DHX34: variants seen among roughly 807,000 people sequenced by gnomAD.
The protein encoded by DHX34 is DExH-box helicase 34.
Under a neutral mutation model 111.1 loss-of-function variants are expected in DHX34, and 96 were observed. The observed-to-expected ratio is 0.86, with a 90% confidence interval of 0.73 to 1.02. The LOEUF (loss-of-function observed/expected upper bound fraction) is 1.02, where lower values mean the gene tolerates loss of function less well. DHX34 is among the 50% of genes least tolerant of loss of function. The pLI, the probability that DHX34 is intolerant of heterozygous loss-of-function variation, is 0.00. For synonymous variants in DHX34, 688 were observed against 670.4 expected, an observed-to-expected ratio of 1.03 and a Z score of -0.41; for missense variants, 1,560 against 1,579.9, an observed-to-expected ratio of 0.99 and a Z score of 0.21.
chr19:47,370,387 G>A lies in DHX34; in HGVS notation c.1769-2343G>A, dbSNP rs546485193. The stretch of plus-strand genomic sequence containing the variant: ...GCTCTGCCCCGCACCCCTCTCTTGC[G>A]GGCTCAAGGATGTCAAAACTCTTCC... On this transcript the variant is annotated intron_variant, in intron 7 of 16. Coordinates refer to ENST00000328771, the MANE Select transcript of DHX34 (RefSeq NM_014681.6). Among the ~76,000 whole-genome samples, 21 of 152,248 alleles carry A rather than the reference G, an allele frequency of 1.4e-4. 1 individual carries two copies. The South Asian group carries it at 2.3e-3, about 17-fold the overall frequency.
At chr19:47,380,006 C>T (rs752719238) in intron 14 of DHX34, 21 bp downstream of exon 14, 22 of 1,558,442 alleles carry the variant, frequency 1.4e-5, no homozygotes, top group Admixed American at 3.5e-5. Context: ...CCAGGGTGCC[C>T]GTGCCTCCCT....
chr19:47,368,247 G>A (rs1295619185), intron 7 of DHX34, among the ~76,000 whole-genome samples: 3 of 132,338 alleles, frequency 2.3e-5, no homozygotes, highest in Non-Finnish European at 4.5e-5. Flanking sequence ...TGGAGTGAGA[G>A]GGAGAAGGTG....
intron 1 of DHX34, among the ~76,000 whole-genome samples, chr19:47,351,660 A>G (rs1969291011): frequency 6.6e-6 from 1 of 152,182 alleles, no homozygotes; most frequent in Admixed American, 6.5e-5. Flanking sequence ...TTGCCTGATT[A>G]TGATGGATAA....
intron 9 of DHX34, among the ~76,000 whole-genome samples, chr19:47,374,594 C>G (rs759768106): frequency 6.6e-6 from 1 of 152,236 alleles, no homozygotes; most frequent in South Asian, 2.1e-4. Flanking sequence ...AAAAGGGTTC[C>G]TGGTGTAATC....
rs1969369221 is a variant in DHX34, at chr19:47,353,808, A to G, written c.705+73A>G. ...GGAATAGGTTGCTTGTCCATATGGC[A>G]GTATCAATAAAAATGAAGCACTTAC... On this transcript the variant is annotated intron_variant, in intron 2 of 16. Transcript: ENST00000328771. The surrounding 1 kb of genome is among the most constrained non-coding windows in gnomAD (Gnocchi z 4.6). 2.2e-6 allele frequency: 3 copies of G among 1,348,146 alleles called. No homozygotes were observed. Among genetic ancestry groups the G allele is most frequent in the East Asian group, 2.5e-5 (1 of 39,670 alleles). The allele number at this position is 1,348,146 out of a possible 1,614,324, so 83.5% of individuals were successfully genotyped here. A position where few individuals can be genotyped will look rare whatever the true frequency, so the allele number is the denominator to read the frequency against.
chr19:47,379,783 A>G lies in DHX34; in HGVS notation c.2780A>G (p.Glu927Gly), dbSNP rs766829579. Residue 927 changes from glutamate to glycine, a missense_variant, in exon 14 of 17, where the codon GAG becomes GGG. Coordinates refer to ENST00000328771, the MANE Select transcript of DHX34 (RefSeq NM_014681.6). The stretch of plus-strand genomic sequence containing the variant: ...CGCCTGGTGGCCGATGGCTGGCTGG[A>G]GCTGCAGCTAGCAGACAGTGAAAGT... ...CSRLVADGWL[E>G]LQLADSESAI... 3.7e-6 allele frequency: 6 copies of G among 1,613,282 alleles called. No homozygotes were observed. In the South Asian group the frequency reaches 5.5e-5, roughly 15 times the overall value.
chr19:47,381,910 G>A, intron 16 of DHX34, 70 bp from the exon 17 acceptor site: 1 of 1,602,244 alleles, frequency 6.2e-7, no homozygotes, highest in Non-Finnish European at 8.5e-7. Flanking sequence ...ACAGGTGCCT[G>A]GCATTTGGGT....
At chr19:47,368,150 C>T (rs1471943325) in intron 7 of DHX34, among the ~76,000 whole-genome samples, 1 of 150,106 alleles carries the variant, frequency 6.7e-6, no homozygotes, top group Admixed American at 6.7e-5. Flanking sequence ...TGAGGGTGTT[C>T]GGGCAGTGGG....
intron 13 of DHX34, among the ~76,000 whole-genome samples, chr19:47,377,766 C>T (rs1970216770): frequency 6.9e-6 from 1 of 144,432 alleles, no homozygotes; most frequent in East Asian, 2.1e-4. Context: ...CTTCTCAGAG[C>T]TGGGACAGGG....
At chr19:47,372,614 A>C (rs1286707714) in intron 7 of DHX34, 116 bp from the exon 8 acceptor site, 1 of 1,437,058 alleles carries the variant, frequency 7.0e-7, no homozygotes, top group Non-Finnish European at 9.1e-7. Flanking sequence ...CTTAGTGGGC[A>C]AGATGGAGGG....
At chr19:47,381,622 A>C (rs1970361781) in intron 16 of DHX34, 2 of 584,904 alleles carry the variant, frequency 3.4e-6, no homozygotes, top group African/African-American at 3.7e-5. Flanking sequence ...TCTGTCCTGC[A>C]GCTATCTCTG....
rs537169867 is a variant in DHX34 at position 47,369,968 on chromosome 19, C to T, written c.1769-2762C>T. 4.6e-5 allele frequency among the ~76,000 whole-genome samples: 7 copies of T among 152,172 alleles called. No homozygotes were observed. In the East Asian group the frequency reaches 7.7e-4, roughly 17 times the overall value. ...AGTCACAAGCAGATGTGGTGCTCCT[C>T]GTCCCCACGCTGTGTCATCAGGAAT... On this transcript the variant is annotated intron_variant, in intron 7 of 16. Transcript: ENST00000328771.
At chr19:47,365,080 T>C (rs568977204) in intron 6 of DHX34, among the ~76,000 whole-genome samples, 1 of 152,212 alleles carries the variant, frequency 6.6e-6, no homozygotes, top group African/African-American at 2.4e-5. Context: ...GTGTTCACCC[T>C]ATGCCCCGCA....
intron 6 of DHX34, 108 bp from the exon 7 acceptor site, chr19:47,366,873 C>A (rs1435191362): frequency 2.1e-6 from 3 of 1,396,394 alleles, no homozygotes; most frequent in Admixed American, 6.4e-5. Flanking sequence ...AACGCCCGGC[C>A]AACACTAGGA....
rs914461597 is a variant in DHX34, at chr19:47,352,925, G to T, written c.-106G>T. ...AAATTAGCTCTTTGAAGAGAAAGTAGTTCTCTATTGCAGGCACTGGCCTCT... is the reference window on the plus strand; with the variant it reads ...AAATTAGCTCTTTGAAGAGAAAGTATTTCTCTATTGCAGGCACTGGCCTCT... On this transcript the variant is annotated 5_prime_UTR_variant, in exon 2 of 17. Coordinates refer to ENST00000328771, the MANE Select transcript of DHX34 (RefSeq NM_014681.6). 9 of 1,459,942 alleles carry T rather than the reference G, an allele frequency of 6.2e-6. No homozygotes were observed. Among genetic ancestry groups the T allele is most frequent in the Non-Finnish European group, 7.2e-6 (8 of 1,105,750 alleles). The allele number at this position is 1,459,942 out of a possible 1,614,324, so 90.4% of individuals were successfully genotyped here.
chr19:47,381,833 A>T (rs1415741329), intron 16 of DHX34, 147 bp from the exon 17 acceptor site: 19 of 1,476,248 alleles, frequency 1.3e-5, no homozygotes, highest in East Asian at 2.5e-5. Flanking sequence ...ATTTTTATTA[A>T]TCTGGGAGGG....
chr19:47,354,741 C>G (rs1321622457), intron 2 of DHX34, among the ~76,000 whole-genome samples: 1 of 152,182 alleles, frequency 6.6e-6, no homozygotes, highest in African/African-American at 2.4e-5. Flanking sequence ...ACCTCCGCCT[C>G]CCGGGTTTAG....
At chr19:47,356,799 C>T (rs1969471909) in intron 3 of DHX34, among the ~76,000 whole-genome samples, 1 of 151,796 alleles carries the variant, frequency 6.6e-6, no homozygotes. Flanking sequence ...ACTAAAAATG[C>T]AAAAATTAGC....
intron 5 of DHX34, among the ~76,000 whole-genome samples, chr19:47,361,465 AAGAG>A (rs940196432): frequency 1.1e-4 from 17 of 151,488 alleles, no homozygotes; most frequent in African/African-American, 2.9e-4. Flanking sequence ...TTAAAAAAAA[AAGAG>A]AGAGAGAGAA....
Sources: allele counts gnomAD v4.1 joint callset (sites outside exome capture counted in the v4.1 genomes callset), GRCh38; gene constraint gnomAD v4.1.1; non-coding constraint Gnocchi (gnomAD v3.1); transcripts MANE v1.5; gene names NCBI Gene and HGNC (gene_info 2026-07-23, HGNC 2026-07-21).